Variants in TTC28 observed in about 807,000 individuals in gnomAD.
TTC28 encodes the protein tetratricopeptide repeat domain 28, also known as tetratricopeptide repeat protein 28.
Under a neutral mutation model 198.0 loss-of-function variants are expected in TTC28, and 61 were observed. That is an observed-to-expected ratio of 0.31 (90% CI 0.25 to 0.38). The LOEUF (loss-of-function observed/expected upper bound fraction) is 0.38, where lower values mean the gene tolerates loss of function less well. TTC28 is among the 10% of genes least tolerant of loss of function. TTC28 has a pLI of 1.00. For synonymous variants in TTC28, 1,171 were observed against 1,297.8 expected (o/e 0.90, Z 2.10); for missense variants, 2,678 against 3,164.0 (o/e 0.85, Z 3.69).
intron 5 of TTC28, among the ~76,000 whole-genome samples, chr22:28,185,302 T>C (rs1924088752): frequency 6.6e-6 from 1 of 152,206 alleles, no homozygotes; most frequent in Admixed American, 6.5e-5. Context: ...CCCGCTGCTC[T>C]CCACACTCTT....
chr22:28,044,289 CCTT>C lies in TTC28; in HGVS notation c.3933-13926_3933-13924del, dbSNP rs545677799. 2.6e-5 allele frequency among the ~76,000 whole-genome samples: 4 copies of C among 152,276 alleles called. No individual in the cohort carries two copies. The South Asian group carries it at 8.3e-4, about 32-fold the overall frequency. On this transcript the variant is annotated intron_variant, in intron 12 of 22. Transcript: ENST00000397906. ...TAACAGCTGTAATGTATAGAACAAA[CCTT>C]CTGTTGGTCGGAAGGCAAACGATAC...
intron 12 of TTC28, among the ~76,000 whole-genome samples, chr22:28,059,930 A>G (rs1260292912): frequency 2.2e-5 from 3 of 135,084 alleles, no homozygotes; most frequent in Admixed American, 7.3e-5. Flanking sequence ...TTTATTTTCA[A>G]TCTATAGGTA....
At position 28,163,516 on chromosome 22, in the gene TTC28, CTGTT is replaced by C. The variant is rs1320731407; in HGVS notation, c.1013_1016del (p.Lys338SerfsTer43). On this transcript the variant is annotated frameshift_variant, in exon 6 of 23. Coordinates refer to ENST00000397906, the MANE Select transcript of TTC28 (RefSeq NM_001145418.2). LOFTEE classifies it high-confidence loss of function. ...TGGATTGCTTGGCAAGAAGAACACA[CTGTT>C]TGTGACTGGCCAGTGCATTGGGGTA... 3 of 1,551,636 alleles carry C rather than the reference CTGTT, an allele frequency of 1.9e-6. No homozygotes were observed. Among genetic ancestry groups the C allele is most frequent in the African/African-American group, 1.4e-5 (1 of 73,032 alleles).
At chr22:28,612,331 C>T (rs1352281243) in intron 2 of TTC28, among the ~76,000 whole-genome samples, 1 of 152,096 alleles carries the variant, frequency 6.6e-6, no homozygotes, top group African/African-American at 2.4e-5. Flanking sequence ...TAAAGCAAGT[C>T]CTTAGAGACC....
At chr22:28,266,010 T>C (rs900314954) in intron 5 of TTC28, among the ~76,000 whole-genome samples, 2 of 151,892 alleles carry the variant, frequency 1.3e-5, no homozygotes, top group Non-Finnish European at 2.9e-5. Context: ...CAAAACCCTG[T>C]CTCTACTAAA....
chr22:28,361,221 T>C (rs2046153509), intron 2 of TTC28, among the ~76,000 whole-genome samples: 1 of 152,192 alleles, frequency 6.6e-6, no homozygotes, highest in Non-Finnish European at 1.5e-5. Context: ...AAAGCTGAGA[T>C]AGGCCAAAAG....
chr22:28,079,934 G>A (rs921126311), intron 12 of TTC28, among the ~76,000 whole-genome samples: 2 of 152,110 alleles, frequency 1.3e-5, no homozygotes, highest in African/African-American at 4.8e-5. Flanking sequence ...TCACTGTGTT[G>A]CCCAGGAAAG....
chr22:28,337,786 CTT>C (rs1487168655), intron 2 of TTC28, among the ~76,000 whole-genome samples: 1 of 152,144 alleles, frequency 6.6e-6, no homozygotes, highest in African/African-American at 2.4e-5. Context: ...GGTCTTGACT[CTT>C]TATCCAATTT....
intron 12 of TTC28, among the ~76,000 whole-genome samples, chr22:28,089,892 C>G (rs1434794190): frequency 6.6e-6 from 1 of 151,680 alleles, no homozygotes; most frequent in East Asian, 1.9e-4. Context: ...CATGTTCTCA[C>G]TCACAGGTGG....
At chr22:27,991,306 A>G (rs968918904) in intron 19 of TTC28, among the ~76,000 whole-genome samples, 14 of 152,298 alleles carry the variant, frequency 9.2e-5, no homozygotes, top group African/African-American at 3.4e-4. Flanking sequence ...AATGGAGTAT[A>G]ATTTTGGCTT....
intron 5 of TTC28, among the ~76,000 whole-genome samples, chr22:28,235,140 C>G (rs1018776386): frequency 4.6e-5 from 7 of 152,232 alleles, no homozygotes; most frequent in Non-Finnish European, 7.3e-5. Flanking sequence ...AGTGGCAAAG[C>G]TGCCACCAGC....
At chr22:28,643,426 C>G (rs1379732581) in intron 1 of TTC28, among the ~76,000 whole-genome samples, 1 of 152,140 alleles carries the variant, frequency 6.6e-6, no homozygotes, top group Non-Finnish European at 1.5e-5. Flanking sequence ...CTCAGAATGG[C>G]CAAACCCTGA....
chr22:28,126,856 T>C (rs1191742466), intron 6 of TTC28, among the ~76,000 whole-genome samples: 1 of 152,142 alleles, frequency 6.6e-6, no homozygotes, highest in Non-Finnish European at 1.5e-5. Flanking sequence ...AATTCCAAAT[T>C]ATTTGATTGC....
At chr22:28,255,606 G>A (rs547295900) in intron 5 of TTC28, among the ~76,000 whole-genome samples, 7 of 151,812 alleles carry the variant, frequency 4.6e-5, no homozygotes, top group East Asian at 2.0e-4. Flanking sequence ...ACTTGAACCC[G>A]GGAGGCAGAG....
At chr22:28,354,778 G>GAT (rs949616866) in intron 2 of TTC28, among the ~76,000 whole-genome samples, 1 of 151,950 alleles carries the variant, frequency 6.6e-6, no homozygotes, top group African/African-American at 2.4e-5. Context: ...TAATGTTACT[G>GAT]ATATATATAT....
At chr22:28,066,654 A>G (rs1340271543) in intron 12 of TTC28, among the ~76,000 whole-genome samples, 1 of 152,194 alleles carries the variant, frequency 6.6e-6, no homozygotes, top group African/African-American at 2.4e-5. Flanking sequence ...TATTTAACCA[A>G]AAAGACCAAG....
intron 5 of TTC28, among the ~76,000 whole-genome samples, chr22:28,288,967 CTT>C (rs2044738398): frequency 6.6e-6 from 1 of 152,200 alleles, no homozygotes; most frequent in South Asian, 2.1e-4. Flanking sequence ...CAGCTTCAGA[CTT>C]TGCTCACAGA....
chr22:28,492,011 C>T (rs1483496668), intron 2 of TTC28, among the ~76,000 whole-genome samples: 1 of 141,832 alleles, frequency 7.1e-6, no homozygotes, highest in Non-Finnish European at 1.5e-5. Flanking sequence ...ATCGCAAGGA[C>T]AAAAAAACAA....
intron 2 of TTC28, among the ~76,000 whole-genome samples, chr22:28,580,035 T>G (rs952282505): frequency 6.6e-6 from 1 of 151,732 alleles, no homozygotes; most frequent in Non-Finnish European, 1.5e-5. Context: ...TATATAAAAC[T>G]AGATAAACAG....
Sources: allele counts gnomAD v4.1 joint callset (sites outside exome capture counted in the v4.1 genomes callset), GRCh38; gene constraint gnomAD v4.1.1; transcripts MANE v1.5; gene names NCBI Gene and HGNC (gene_info 2026-07-23, HGNC 2026-07-21).